Variants in RTN4 observed in about 807,000 individuals in gnomAD.
RTN4 encodes reticulon-4.
RTN4 carries 32 observed loss-of-function variants against 90.4 expected under a neutral mutation model. The ratio of observed to expected loss-of-function variants is 0.35; its 90% confidence interval spans 0.27 to 0.48. The LOEUF (loss-of-function observed/expected upper bound fraction) is 0.48. Ranked by LOEUF, RTN4 falls within the 20% of genes least tolerant of loss-of-function variation. The probability of loss-of-function intolerance (pLI) is 0.99; values close to 1 mark genes in which losing one functional copy is unlikely to be tolerated. For missense variants in RTN4, 1,706 were observed against 1,430.2 expected (o/e 1.19, Z -3.11); for synonymous variants, 629 against 552.5 (o/e 1.14, Z -1.94).
intron 3 of RTN4, among the ~76,000 whole-genome samples, chr2:55,006,921 T>C (rs2104773049): frequency 1.3e-5 from 2 of 152,230 alleles, no homozygotes; most frequent in South Asian, 4.1e-4. Context: ...TAATAGTTCT[T>C]TCAGTGCAAA....
chr2:55,133,372 A>C, the RTN4 span, among the ~76,000 whole-genome samples: 1 of 152,130 alleles, frequency 6.6e-6, no homozygotes, highest in Non-Finnish European at 1.5e-5. Flanking sequence ...TTTTCAGTTT[A>C]TTTGTTCCCT....
At chr2:55,025,049 G>T in intron 3 of RTN4, 37 bp downstream of exon 3, 1 of 1,547,992 alleles carries the variant, frequency 6.5e-7, no homozygotes, top group South Asian at 1.3e-5. Flanking sequence ...ATCCAAAAGT[G>T]GCATGAAAGC....
At chr2:55,135,871 ATGT>A in the RTN4 span, among the ~76,000 whole-genome samples, 1 of 152,166 alleles carries the variant, frequency 6.6e-6, no homozygotes, top group Non-Finnish European at 1.5e-5. Flanking sequence ...AGGTTCATTC[ATGT>A]TGTTGCATGT....
rs761002543 is a variant in RTN4, at chr2:55,027,500, A to G, written c.614-15T>C. Reference sequence around the variant, plus strand: ...GTCCATATTTTCTGTGACCATGGACAGAAAGGAAAGTTAGAGAATGCCAGT... The same window carrying G: ...GTCCATATTTTCTGTGACCATGGACGGAAAGGAAAGTTAGAGAATGCCAGT... On this transcript the variant is annotated splice_polypyrimidine_tract_variant and intron_variant, in intron 2 of 8. Transcript: ENST00000337526. 5 of 1,576,314 alleles carry G rather than the reference A, an allele frequency of 3.2e-6. No homozygotes were observed. In the Admixed American group the frequency reaches 9.6e-5, roughly 30 times the overall value.
chr2:55,098,968 G>A (rs1198800644), intron 1 of RTN4, among the ~76,000 whole-genome samples: 1 of 152,088 alleles, frequency 6.6e-6, no homozygotes, highest in African/African-American at 2.4e-5. Context: ...ATGAATGGGT[G>A]TATTCTTCCT....
intron 1 of RTN4, among the ~76,000 whole-genome samples, chr2:55,082,430 C>T (rs982984702): frequency 2.6e-5 from 4 of 152,146 alleles, no homozygotes; most frequent in African/African-American, 7.2e-5. Flanking sequence ...TACCACACTC[C>T]CAACATGCTC....
intron 3 of RTN4, among the ~76,000 whole-genome samples, chr2:55,008,768 C>A (rs552152285): frequency 1.3e-5 from 2 of 152,134 alleles, no homozygotes; most frequent in African/African-American, 2.4e-5. Flanking sequence ...TAATAAAGAA[C>A]CTTAATAGTT....
At chr2:55,062,760 G>T (rs1331373851) in intron 2 of RTN4, among the ~76,000 whole-genome samples, 3 of 152,096 alleles carry the variant, frequency 2.0e-5, no homozygotes, top group Admixed American at 6.5e-5. Flanking sequence ...GCTTTGTTTG[G>T]CACCTTATGA....
At chr2:55,097,720 G>C (rs1667770498) in intron 1 of RTN4, among the ~76,000 whole-genome samples, 1 of 152,108 alleles carries the variant, frequency 6.6e-6, no homozygotes, top group African/African-American at 2.4e-5. Context: ...AAGATAATGA[G>C]CTCAGTTTTG....
chr2:55,038,974 G>T (rs1573451380), intron 1 of RTN4, among the ~76,000 whole-genome samples: 1 of 152,202 alleles, frequency 6.6e-6, no homozygotes, highest in Non-Finnish European at 1.5e-5. Flanking sequence ...AAAGCATCAT[G>T]CTGAATGCAA....
At chr2:54,988,244 G>C (rs1385252805) in intron 3 of RTN4, among the ~76,000 whole-genome samples, 1 of 152,170 alleles carries the variant, frequency 6.6e-6, no homozygotes, top group Non-Finnish European at 1.5e-5. Context: ...TTGAACCCGG[G>C]AGGCAGAGGT....
chr2:54,982,437 G>C lies in RTN4; in HGVS notation c.3360+78C>G, dbSNP rs1037565909. 4 of 1,260,350 alleles carry C rather than the reference G, an allele frequency of 3.2e-6. No individual in the cohort carries two copies. The African/African-American group carries it at 6.1e-5, about 19-fold the overall frequency. The allele number at this position is 1,260,350 out of a possible 1,614,324, so 78.1% of individuals were successfully genotyped here. ...AATATTTATCATTTACTTGAATATA[G>C]AAGAACAGAATTTTACACTCAACTC... is the stretch of plus-strand genomic sequence containing the variant. On this transcript the variant is annotated intron_variant, in intron 5 of 8. Coordinates refer to ENST00000337526, the MANE Select transcript of RTN4 (RefSeq NM_020532.5).
intron 2 of RTN4, among the ~76,000 whole-genome samples, chr2:55,065,472 A>G (rs543431596): frequency 6.6e-6 from 1 of 152,336 alleles, no homozygotes; most frequent in African/African-American, 2.4e-5. Flanking sequence ...GACATGTAAA[A>G]GTGCTCATGG....
intron 1 of RTN4, among the ~76,000 whole-genome samples, chr2:55,045,811 A>T (rs1683382547): frequency 1.3e-5 from 2 of 152,326 alleles, no homozygotes; most frequent in South Asian, 4.1e-4. Flanking sequence ...GGTCTTAATT[A>T]ACCTTGGTTT....
At chr2:55,020,054 C>G (rs1280337051) in intron 3 of RTN4, among the ~76,000 whole-genome samples, 1 of 151,994 alleles carries the variant, frequency 6.6e-6, no homozygotes, top group Non-Finnish European at 1.5e-5. Flanking sequence ...GAAGAGGATA[C>G]AAACAAATGC....
At chr2:55,132,977 C>T in the RTN4 span, among the ~76,000 whole-genome samples, 4 of 151,378 alleles carry the variant, frequency 2.6e-5, no homozygotes, top group South Asian at 2.1e-4. Context: ...TTTGGGAGGC[C>T]GAGGCAGGTG....
chr2:55,093,697 G>T (rs754013259), intron 1 of RTN4, among the ~76,000 whole-genome samples: 1 of 152,116 alleles, frequency 6.6e-6, no homozygotes, highest in Non-Finnish European at 1.5e-5. Flanking sequence ...AAGGAGAAGA[G>T]AAATTGGTAA....
intron 3 of RTN4, among the ~76,000 whole-genome samples, chr2:55,013,556 A>G (rs1488758755): frequency 8.0e-6 from 1 of 124,480 alleles, no homozygotes; most frequent in Admixed American, 1.1e-4. Flanking sequence ...TAAACAAGAA[A>G]CTCTTTTATG....
chr2:54,992,952 T>C (rs1208515161), intron 3 of RTN4, among the ~76,000 whole-genome samples: 1 of 151,264 alleles, frequency 6.6e-6, no homozygotes, highest in Admixed American at 6.6e-5. Flanking sequence ...TGGGCACCTG[T>C]AGTCCCAGCT....
Sources: allele counts gnomAD v4.1 joint callset (sites outside exome capture counted in the v4.1 genomes callset), GRCh38; gene constraint gnomAD v4.1.1; transcripts MANE v1.5; gene names NCBI Gene and HGNC (gene_info 2026-07-23, HGNC 2026-07-21).